CNTN4: variants seen among roughly 807,000 people sequenced by gnomAD.
The protein encoded by CNTN4 is contactin-4.
CNTN4 carries 77 observed loss-of-function variants against 122.5 expected under a neutral mutation model. The ratio of observed to expected loss-of-function variants is 0.63; its 90% CI spans 0.52 to 0.76. The LOEUF is 0.76. CNTN4 is among the 30% of genes least tolerant of loss of function. CNTN4 has a pLI of 0.00. For missense variants in CNTN4, 1,256 were observed against 1,259.1 expected, an observed-to-expected ratio of 1.00 and a Z score of 0.04; for synonymous variants, 512 against 447.0, an observed-to-expected ratio of 1.15 and a Z score of -1.83.
chr3:2,243,824 A>G (rs17194175), intron 2 of CNTN4, among the ~76,000 whole-genome samples: 75,525 of 151,940 alleles, frequency 0.5, 19,508 homozygotes, highest in South Asian at 0.64. Flanking sequence ...TAGAGTAATC[A>G]GTGTTGAAGA....
intron 2 of CNTN4, among the ~76,000 whole-genome samples, chr3:2,284,513 T>C (rs1465260661): frequency 2.9e-4 from 44 of 152,094 alleles, no homozygotes; most frequent in Admixed American, 2.9e-3. Context: ...ATACCAAACT[T>C]CTCATGTTTG....
chr3:3,034,922 C>G, intron 17 of CNTN4, 132 bp downstream of exon 17: 1 of 973,064 alleles, frequency 1.0e-6, no homozygotes, highest in Non-Finnish European at 1.6e-6. Flanking sequence ...TTTCCTAAAC[C>G]TCGGCCAACT....
At chr3:2,234,716 A>T (rs1192823860) in intron 2 of CNTN4, among the ~76,000 whole-genome samples, 1 of 152,190 alleles carries the variant, frequency 6.6e-6, no homozygotes, top group African/African-American at 2.4e-5. Context: ...GCGACTCCAA[A>T]ATAAGCTTGA....
At chr3:2,584,875 T>A (rs568861248) in intron 4 of CNTN4, among the ~76,000 whole-genome samples, 177 of 151,886 alleles carry the variant, frequency 1.2e-3, no homozygotes, top group African/African-American at 4.0e-3. Flanking sequence ...CAGTGGTAGG[T>A]AGGTAGGTAG....
rs146327249 is a variant in CNTN4 at position 2,506,917 on chromosome 3, G to A, written c.-88-64499G>A. The stretch of plus-strand genomic sequence containing the variant: ...GAGGGCCTTGACGTTTTTATTTAGC[G>A]ATCATGCCTCCAGTCATGTGTTCTG... On this transcript the variant is annotated intron_variant, in intron 3 of 24. Transcript: ENST00000418658. Among the ~76,000 whole-genome samples the A allele has an allele frequency of 8.7e-4, 132 of 152,126 alleles. 1 individual carries two copies. The highest frequency in any genetic ancestry group is 2.5e-3 in the African/African-American group (105 of 41,518).
intron 6 of CNTN4, among the ~76,000 whole-genome samples, chr3:2,814,270 T>C (rs1363202970): frequency 6.6e-6 from 1 of 152,220 alleles, no homozygotes; most frequent in East Asian, 1.9e-4. Flanking sequence ...ACAGGCTATT[T>C]TGAGAAACAA....
rs577527514 is a variant in CNTN4, at chr3:2,580,130, C to G, written c.55+8572C>G. Among the ~76,000 whole-genome samples, 41 of 152,108 alleles carry G rather than the reference C, an allele frequency of 2.7e-4. No individual in the cohort carries two copies. The South Asian group carries it at 8.1e-3, about 30-fold the overall frequency. ...CAGGAAGGTCTGTCTTAGTACAGGA[C>G]TAAGTAACAGTTGTTATTAATATCA... On this transcript the variant is annotated intron_variant, in intron 4 of 24. Transcript: ENST00000418658.
At chr3:2,466,194 G>T (rs1349175071) in intron 3 of CNTN4, among the ~76,000 whole-genome samples, 4 of 152,116 alleles carry the variant, frequency 2.6e-5, no homozygotes, top group Non-Finnish European at 5.9e-5. Flanking sequence ...GCATTATTCT[G>T]TTCAAATATT....
At chr3:2,271,967 A>G (rs1218777912) in intron 2 of CNTN4, among the ~76,000 whole-genome samples, 1 of 152,214 alleles carries the variant, frequency 6.6e-6, no homozygotes, top group Non-Finnish European at 1.5e-5. Flanking sequence ...ATTTGGAAAT[A>G]TGGAAACATG....
At chr3:2,918,871 A>G (rs527781442) in intron 12 of CNTN4, among the ~76,000 whole-genome samples, 1 of 152,324 alleles carries the variant, frequency 6.6e-6, no homozygotes, top group Non-Finnish European at 1.5e-5. Context: ...GGGGAGAAAG[A>G]GATGTAGTGT....
chr3:2,607,514 A>T (rs1301942226), intron 4 of CNTN4, among the ~76,000 whole-genome samples: 3 of 151,962 alleles, frequency 2.0e-5, no homozygotes, highest in Non-Finnish European at 4.4e-5. Flanking sequence ...GTAAAGTGAA[A>T]ATAAAAAATT....
At chr3:2,991,428 C>G (rs1469143443) in intron 14 of CNTN4, among the ~76,000 whole-genome samples, 1 of 152,134 alleles carries the variant, frequency 6.6e-6, no homozygotes, top group African/African-American at 2.4e-5. Context: ...CAGAGGTCCT[C>G]TGATTCTTAT....
chr3:2,511,490 A>G (rs1484199677), intron 3 of CNTN4: 2 of 152,276 alleles, frequency 1.3e-5, no homozygotes, highest in African/African-American at 2.4e-5. Context: ...GCGGAGAGCC[A>G]TGCAGCGCGC....
chr3:2,669,578 G>A (rs1217334986), intron 4 of CNTN4, among the ~76,000 whole-genome samples: 3 of 151,880 alleles, frequency 2.0e-5, no homozygotes, highest in African/African-American at 4.8e-5. Context: ...ACGGTTTTTT[G>A]TGTCTCTATC....
At chr3:2,450,391 TAAATA>T (rs1208742234) in intron 3 of CNTN4, among the ~76,000 whole-genome samples, 1 of 151,042 alleles carries the variant, frequency 6.6e-6, no homozygotes, top group African/African-American at 2.4e-5. Flanking sequence ...AATAAATAAA[TAAATA>T]AAATAAAAAA....
intron 14 of CNTN4, among the ~76,000 whole-genome samples, chr3:3,017,904 T>C (rs1697920861): frequency 1.3e-5 from 2 of 152,172 alleles, no homozygotes; most frequent in South Asian, 4.1e-4. Context: ...AAAAGGACTT[T>C]TAGCTAAGTA....
intron 2 of CNTN4, among the ~76,000 whole-genome samples, chr3:2,137,021 A>C (rs918605172): frequency 6.6e-6 from 1 of 152,252 alleles, no homozygotes; most frequent in East Asian, 1.9e-4. Context: ...ATAACAAATT[A>C]GAATCTAGGA....
intron 6 of CNTN4, among the ~76,000 whole-genome samples, chr3:2,784,490 A>T (rs548479708): frequency 6.6e-6 from 1 of 152,328 alleles, no homozygotes; most frequent in South Asian, 2.1e-4. Context: ...AAGTCATACA[A>T]CTAAGAAGTG....
At chr3:2,807,300 C>T (rs2092490945) in intron 6 of CNTN4, among the ~76,000 whole-genome samples, 1 of 152,134 alleles carries the variant, frequency 6.6e-6, no homozygotes, top group Non-Finnish European at 1.5e-5. Flanking sequence ...GCACCCATTG[C>T]AAAATCTAAA....
Sources: allele counts gnomAD v4.1 joint callset (sites outside exome capture counted in the v4.1 genomes callset), GRCh38; gene constraint gnomAD v4.1.1; transcripts MANE v1.5; gene names NCBI Gene and HGNC (gene_info 2026-07-23, HGNC 2026-07-21).